Variants in PDZD2 observed in about 807,000 individuals in gnomAD.
PDZD2 encodes PDZ domain containing 2.
Under a neutral mutation model 220.7 loss-of-function variants are expected in PDZD2, and 90 were observed. That is an observed-to-expected ratio of 0.41 (90% confidence interval 0.34 to 0.49). The LOEUF is 0.49. Ranked by LOEUF, PDZD2 falls within the 20% of genes least tolerant of loss-of-function variation. The pLI is 0.28. For missense variants in PDZD2, 3,174 were observed against 3,608.5 expected (o/e 0.88, Z 3.08); for synonymous variants, 1,375 against 1,450.5 (o/e 0.95, Z 1.18).
rs1310824828 is a variant in PDZD2 at position 31,695,905 on chromosome 5, A to G, written c.-361+56468A>G. Among the ~76,000 whole-genome samples, 2 of 152,302 alleles carry G rather than the reference A, an allele frequency of 1.3e-5. 1 individual carries two copies. The highest frequency in any genetic ancestry group is 4.2e-4 in the South Asian group (2 of 4,818). On this transcript the variant is annotated intron_variant, in intron 1 of 24. Coordinates refer to ENST00000438447, the MANE Select transcript of PDZD2 (RefSeq NM_178140.4). ...GACATGGCGAGGGAGACAGAGGTGC[A>G]TAACGTCTTCAAAATTCTACCTTAG...
At chr5:31,687,456 T>C (rs1048186165) in intron 1 of PDZD2, among the ~76,000 whole-genome samples, 5 of 152,196 alleles carry the variant, frequency 3.3e-5, no homozygotes, top group African/African-American at 9.7e-5. Context: ...AACATCCATA[T>C]TGATGTTATT....
intron 1 of PDZD2, chr5:31,725,679 G>A (rs1052181432): frequency 1.0e-6 from 1 of 992,852 alleles, no homozygotes; most frequent in African/African-American, 1.6e-5. Flanking sequence ...AATGTGCTTT[G>A]GAATCTGTTT....
chr5:31,904,458 A>G (rs1742438965), intron 2 of PDZD2, among the ~76,000 whole-genome samples: 1 of 152,218 alleles, frequency 6.6e-6, no homozygotes, highest in African/African-American at 2.4e-5. Context: ...TAATATTGCT[A>G]TTATCATAAC....
chr5:31,773,043 T>A (rs898692309), intron 1 of PDZD2, among the ~76,000 whole-genome samples: 5 of 152,148 alleles, frequency 3.3e-5, no homozygotes, highest in Non-Finnish European at 2.9e-5. Flanking sequence ...AGAGTCACAG[T>A]CTATGGGATT....
chr5:31,671,697 C>T (rs1484209939), intron 1 of PDZD2, among the ~76,000 whole-genome samples: 2 of 152,184 alleles, frequency 1.3e-5, no homozygotes, highest in East Asian at 1.9e-4. Flanking sequence ...GCCAGGCACC[C>T]GCGGCCTCCA....
rs1180352925 is a variant in PDZD2 at position 31,995,632 on chromosome 5, A to G, written c.1035A>G (p.Gly345=). ...TGCTCAAAGAATCGGATGGGCTGGGAATTCAGGTTAGTGGAGGCCGAGGAT... is the reference window on the plus strand; with the variant it reads ...TGCTCAAAGAATCGGATGGGCTGGGGATTCAGGTTAGTGGAGGCCGAGGAT... ...MELLKESDGL[G]IQVSGGRGSK... The change falls in exon 4 of 25, where the codon GGA becomes GGG. Residue 345 remains glycine, a synonymous_variant. Transcript: ENST00000438447. 3 of 1,614,114 alleles carry G rather than the reference A, an allele frequency of 1.9e-6. No homozygotes were observed. Among genetic ancestry groups the G allele is most frequent in the Non-Finnish European group, 2.5e-6 (3 of 1,180,008 alleles).
intron 5 of PDZD2, among the ~76,000 whole-genome samples, chr5:32,001,555 G>A (rs765242276): frequency 6.6e-6 from 1 of 152,182 alleles, no homozygotes; most frequent in African/African-American, 2.4e-5. Flanking sequence ...TCTCCCTGCC[G>A]CCTCTTCTCC....
intron 1 of PDZD2, among the ~76,000 whole-genome samples, chr5:31,782,445 G>A (rs1466251561): frequency 1.3e-5 from 2 of 152,102 alleles, no homozygotes; most frequent in African/African-American, 4.8e-5. Flanking sequence ...GAGACATTAG[G>A]ATGTTAAAAT....
At chr5:31,753,495 GA>G (rs1751130823) in intron 1 of PDZD2, among the ~76,000 whole-genome samples, 1 of 152,214 alleles carries the variant, frequency 6.6e-6, no homozygotes, top group African/African-American at 2.4e-5. Flanking sequence ...AGCTACTCAG[GA>G]GGCTGAGGCA....
chr5:32,039,903 G>A (rs1581348640), intron 7 of PDZD2, among the ~76,000 whole-genome samples: 3 of 148,574 alleles, frequency 2.0e-5, no homozygotes, highest in Admixed American at 2.0e-4. Flanking sequence ...CCTCTGCCCG[G>A]CGGCCCCATC....
chr5:31,843,136 C>G (rs1757410419), intron 2 of PDZD2, among the ~76,000 whole-genome samples: 1 of 152,066 alleles, frequency 6.6e-6, no homozygotes, highest in South Asian at 2.1e-4. Flanking sequence ...CCGCCTTGGC[C>G]TCCCAAAATG....
intron 2 of PDZD2, among the ~76,000 whole-genome samples, chr5:31,920,182 G>T (rs574332474): frequency 1.3e-5 from 2 of 152,078 alleles, no homozygotes; most frequent in Non-Finnish European, 2.9e-5. Context: ...TACTCGGGGG[G>T]CTAAGGTGGG....
chr5:31,877,948 C>A (rs1465113289), intron 2 of PDZD2, among the ~76,000 whole-genome samples: 1 of 152,156 alleles, frequency 6.6e-6, no homozygotes, highest in East Asian at 1.9e-4. Flanking sequence ...CTTGGCCTCC[C>A]AAAGTGCTGG....
chr5:31,997,980 C>T (rs1290630194), intron 4 of PDZD2, among the ~76,000 whole-genome samples: 1 of 152,162 alleles, frequency 6.6e-6, no homozygotes, highest in East Asian at 1.9e-4. Context: ...GTAGCTGGGA[C>T]TACAGGCGCT....
chr5:32,070,672 C>T lies in PDZD2; in HGVS notation c.2534-712C>T, dbSNP rs147147238. 3.3e-4 allele frequency among the ~76,000 whole-genome samples: 50 copies of T among 152,278 alleles called. No homozygotes were observed. In the East Asian group the frequency reaches 9.3e-3, roughly 28 times the overall value. The stretch of plus-strand genomic sequence containing the variant: ...ATTCAATCCATTCAGCAATTATCAC[C>T]GAACACTTAGTAGATATGAAGTACA... On this transcript the variant is annotated intron_variant, in intron 15 of 24. Coordinates refer to ENST00000438447, the MANE Select transcript of PDZD2 (RefSeq NM_178140.4).
chr5:31,991,986 T>C (rs1471886798), intron 3 of PDZD2, among the ~76,000 whole-genome samples: 1 of 152,204 alleles, frequency 6.6e-6, no homozygotes, highest in African/African-American at 2.4e-5. Context: ...TGAGCCAAGA[T>C]TGTGCCATTG....
chr5:31,717,382 C>T (rs570967991), intron 1 of PDZD2, among the ~76,000 whole-genome samples: 3 of 152,290 alleles, frequency 2.0e-5, no homozygotes, highest in Admixed American at 6.5e-5. Flanking sequence ...GAGATGCATA[C>T]ATATATTTAT....
intron 1 of PDZD2, among the ~76,000 whole-genome samples, chr5:31,652,492 C>T (rs76459196): frequency 0.017 from 2,588 of 152,230 alleles, 69 homozygotes; most frequent in African/African-American, 0.059. Context: ...CATTTCTTTC[C>T]GAGTGCTTAT....
intron 1 of PDZD2, among the ~76,000 whole-genome samples, chr5:31,786,872 C>A (rs1753410814): frequency 6.6e-6 from 1 of 152,072 alleles, no homozygotes; most frequent in African/African-American, 2.4e-5. Context: ...TAGTTACATG[C>A]TAAGAATTTA....
Sources: allele counts gnomAD v4.1 joint callset (sites outside exome capture counted in the v4.1 genomes callset), GRCh38; gene constraint gnomAD v4.1.1; transcripts MANE v1.5; gene names NCBI Gene and HGNC (gene_info 2026-07-23, HGNC 2026-07-21).